Variants in EYS observed in about 807,000 individuals in gnomAD.
The protein encoded by EYS is EGF-like photoreceptor maintenance factor.
In EYS, 250 loss-of-function variants were observed where a neutral mutation model predicts 282.1. The ratio of observed to expected loss-of-function variants is 0.89; its 90% confidence interval spans 0.80 to 0.98. EYS has a LOEUF of 0.98. Among genes scored for constraint, EYS ranks in the 50% least tolerant of loss-of-function variants. The pLI, the probability that EYS is intolerant of heterozygous loss-of-function variation, is 0.00. For synonymous variants in EYS, 1,355 were observed against 1,282.9 expected (o/e 1.06, Z -1.20); for missense variants, 4,016 against 3,709.0 (o/e 1.08, Z -2.15).
At chr6:64,706,833 T>C (rs1005843540) in intron 22 of EYS, among the ~76,000 whole-genome samples, 7 of 152,076 alleles carry the variant, frequency 4.6e-5, no homozygotes, top group African/African-American at 1.7e-4. Flanking sequence ...GGTGGGGATG[T>C]GGTAAAAAGG....
chr6:64,731,524 A>G (rs1771965482), intron 22 of EYS, among the ~76,000 whole-genome samples: 1 of 152,328 alleles, frequency 6.6e-6, no homozygotes, highest in Non-Finnish European at 1.5e-5. Context: ...ACTTCTCAAA[A>G]GAAGAAATTT....
intron 19 of EYS, among the ~76,000 whole-genome samples, chr6:64,879,594 G>A (rs759431086): frequency 1.3e-5 from 2 of 151,928 alleles, no homozygotes; most frequent in African/African-American, 2.4e-5. Context: ...AGACAGTTTT[G>A]GGGAACTGAA....
chr6:65,180,310 T>C (rs1384438901), intron 12 of EYS, among the ~76,000 whole-genome samples: 3 of 152,100 alleles, frequency 2.0e-5, no homozygotes, highest in Admixed American at 1.3e-4. Context: ...GAAAACCCCA[T>C]GGTCTCAGCC....
chr6:65,284,900 A>G (rs1768318004), intron 12 of EYS, among the ~76,000 whole-genome samples: 1 of 152,090 alleles, frequency 6.6e-6, no homozygotes. Context: ...CATAGTGTTC[A>G]TGTAACAAGA....
intron 11 of EYS, chr6:65,332,072 G>A (rs1311534806): frequency 3.4e-6 from 1 of 290,376 alleles, no homozygotes; most frequent in Non-Finnish European, 6.4e-6. Flanking sequence ...TAAAATTCCA[G>A]TCTTTCAGCC....
intron 29 of EYS, among the ~76,000 whole-genome samples, 189 bp from the exon 30 acceptor site, chr6:64,307,271 C>T (rs1380193503): frequency 6.6e-6 from 1 of 151,888 alleles, no homozygotes; most frequent in Non-Finnish European, 1.5e-5. Flanking sequence ...AGGATTTTTC[C>T]ATATCTTGGC....
intron 12 of EYS, among the ~76,000 whole-genome samples, chr6:65,083,346 T>C (rs188240015): frequency 2.0e-4 from 30 of 152,122 alleles, no homozygotes; most frequent in Non-Finnish European, 3.5e-4. Context: ...CTCAATTGGC[T>C]ATACAACCTA....
chr6:65,096,090 T>A (rs1774733026), intron 12 of EYS, among the ~76,000 whole-genome samples: 1 of 150,996 alleles, frequency 6.6e-6, no homozygotes. Flanking sequence ...TAAACAAATT[T>A]GGTAAAATTT....
intron 29 of EYS, chr6:64,377,732 A>G (rs1772605774): frequency 6.6e-6 from 1 of 152,120 alleles, no homozygotes; most frequent in Non-Finnish European, 1.5e-5. Context: ...GAGCTTCCAA[A>G]ATGATCTTAC....
chr6:65,440,726 G>A (rs1328118780), intron 5 of EYS, among the ~76,000 whole-genome samples: 1 of 150,764 alleles, frequency 6.6e-6, no homozygotes, highest in African/African-American at 2.4e-5. Context: ...GTAGCATATA[G>A]TATCGTTGAG....
intron 40 of EYS, among the ~76,000 whole-genome samples, chr6:63,770,894 A>G (rs1769911673): frequency 6.6e-6 from 1 of 152,182 alleles, no homozygotes. Flanking sequence ...TTGCTATAAT[A>G]ATCACTCCAC....
intron 7 of EYS, among the ~76,000 whole-genome samples, chr6:65,396,111 G>A (rs978223647): frequency 6.6e-6 from 1 of 152,110 alleles, no homozygotes; most frequent in Non-Finnish European, 1.5e-5. Context: ...CCAAGGCATG[G>A]AGAACACCTA....
In EYS at chr6:65,598,234, ACCCAC is replaced by A. The variant is rs1282939804; in HGVS notation, c.-333+41539_-333+41543del. Among the ~76,000 whole-genome samples the A allele has an allele frequency of 5.9e-4, 7 of 11,832 alleles. 1 individual carries two copies. Among genetic ancestry groups the A allele is most frequent in the African/African-American group, 2.1e-3 (6 of 2,794 alleles). 7.8% of individuals were successfully genotyped at this position (11,832 alleles called of 152,430 possible). Reference sequence around the variant, plus strand: ...TGTTATTGAGAAGACCCTCCTCCCCACCCACCCCCCCCCCAAAAAAAAAAACAAAA... The same window carrying A: ...TGTTATTGAGAAGACCCTCCTCCCCACCCCCCCCCAAAAAAAAAAACAAAA... On this transcript the variant is annotated intron_variant, in intron 2 of 42. Coordinates refer to ENST00000503581, the MANE Select transcript of EYS (RefSeq NM_001142800.2).
At chr6:64,962,376 T>C (rs1769951127) in intron 14 of EYS, among the ~76,000 whole-genome samples, 1 of 152,138 alleles carries the variant, frequency 6.6e-6, no homozygotes, top group Admixed American at 6.5e-5. Flanking sequence ...TCTCTCTCTT[T>C]ATCTAATTGT....
In EYS at chr6:64,770,728, T is replaced by G. The variant is rs533372876; in HGVS notation, c.3443+42650A>C. The stretch of plus-strand genomic sequence containing the variant: ...CATATTTCTAGGTGAATTATTATTA[T>G]TAGTAGCAGTATTCATAAAGGAACC... On this transcript the variant is annotated intron_variant, in intron 22 of 42. Transcript: ENST00000503581. 3.0e-4 allele frequency among the ~76,000 whole-genome samples: 46 copies of G among 152,022 alleles called. 1 individual carries two copies. The highest frequency in any genetic ancestry group is 1.3e-3 in the Admixed American group (20 of 15,232).
intron 2 of EYS, among the ~76,000 whole-genome samples, chr6:65,628,660 C>T (rs1028698727): frequency 1.3e-5 from 2 of 152,088 alleles, no homozygotes; most frequent in East Asian, 1.9e-4. Flanking sequence ...ACCTTAAGAG[C>T]TGTAACACTC....
At chr6:64,888,377 A>C (rs917798291) in intron 18 of EYS, among the ~76,000 whole-genome samples, 12 of 152,160 alleles carry the variant, frequency 7.9e-5, no homozygotes, top group Non-Finnish European at 1.3e-4. Context: ...AATGTGCTGT[A>C]ATACAATGTA....
intron 12 of EYS, among the ~76,000 whole-genome samples, chr6:65,243,605 AT>A (rs34420208): frequency 2.0e-5 from 3 of 152,146 alleles, no homozygotes; most frequent in Admixed American, 6.5e-5. Flanking sequence ...CAAAGACTTT[AT>A]TTTTTTCTTT....
At chr6:65,003,603 T>C (rs1347476768) in intron 13 of EYS, among the ~76,000 whole-genome samples, 1 of 147,184 alleles carries the variant, frequency 6.8e-6, no homozygotes, top group Non-Finnish European at 1.5e-5. Context: ...TTGCTGGGTT[T>C]TGTGTCTTGT....
Sources: gnomAD v4.1 joint callset for allele counts (sites outside exome capture counted in the v4.1 genomes callset) on GRCh38, gnomAD v4.1.1 for gene constraint, MANE v1.5 for transcripts, NCBI Gene and HGNC (gene_info 2026-07-23, HGNC 2026-07-21) for gene names.